PLD3: variants seen among roughly 807,000 people sequenced by gnomAD.
PLD3 encodes the protein 5'-3' exonuclease PLD3.
A neutral mutation model predicts 58.4 loss-of-function variants in PLD3; 31 were observed. The ratio of observed to expected loss-of-function variants is 0.53; its 90% confidence interval spans 0.40 to 0.72. The LOEUF (loss-of-function observed/expected upper bound fraction) is 0.72. Among genes scored for constraint, PLD3 ranks in the 30% least tolerant of loss-of-function variants. The pLI is 0.00. For missense variants in PLD3, 595 were observed against 659.8 expected, an observed-to-expected ratio of 0.90 and a Z score of 1.08; for synonymous variants, 264 against 273.4, an observed-to-expected ratio of 0.97 and a Z score of 0.34.
At chr19:40,351,253 C>CA (rs1259264597) in intron 1 of PLD3, among the ~76,000 whole-genome samples, 5 of 147,494 alleles carry the variant, frequency 3.4e-5, no homozygotes, top group Admixed American at 2.0e-4. Flanking sequence ...CAAAACAAAA[C>CA]AAAAAAACGG....
At chr19:40,369,199 AAC>A (rs1357626362) in intron 6 of PLD3, among the ~76,000 whole-genome samples, 1 of 152,094 alleles carries the variant, frequency 6.6e-6, no homozygotes, top group Non-Finnish European at 1.5e-5. Flanking sequence ...AGTGGTTTAA[AAC>A]ACAGATGTAG....
chr19:40,351,627 C>A (rs1446717952), intron 1 of PLD3, among the ~76,000 whole-genome samples: 1 of 152,184 alleles, frequency 6.6e-6, no homozygotes, highest in Non-Finnish European at 1.5e-5. Context: ...AAGCAAAAGT[C>A]TTGCGGTAGG....
At chr19:40,354,549 G>C (rs2078604196) in intron 1 of PLD3, among the ~76,000 whole-genome samples, 1 of 150,894 alleles carries the variant, frequency 6.6e-6, no homozygotes, top group Non-Finnish European at 1.5e-5. Context: ...TTTTCATTGA[G>C]ACACTGTCTT....
At chr19:40,349,003 T>C (rs1600239098) in intron 1 of PLD3, among the ~76,000 whole-genome samples, 1 of 152,178 alleles carries the variant, frequency 6.6e-6, no homozygotes. Context: ...TCTGTCGCCA[T>C]CACCCTCTTT....
rs894573449 is a variant in PLD3, at chr19:40,370,234, C to T, written c.675C>T (p.Thr225=). The change falls in exon 8 of 13, where the codon ACC becomes ACT. Residue 225 remains threonine (T), a synonymous_variant. Coordinates refer to ENST00000409735, the MANE Select transcript of PLD3 (RefSeq NM_012268.4). The stretch of plus-strand genomic sequence containing the variant: ...CCAACATGGACTGGCGTTCACTGAC[C>T]CAGGTCTGTCTGCACCCTGTCTACC... ...GSANMDWRSL[T]QVKELGVVMY... The T allele has an allele frequency of 1.2e-6, 2 of 1,612,406 alleles. No individual in the cohort carries two copies. Among genetic ancestry groups the T allele is most frequent in the African/African-American group, 2.7e-5 (2 of 75,028 alleles).
In PLD3 at chr19:40,377,736, C is replaced by T. The variant is rs192193770; in HGVS notation, c.1186-50C>T. The T allele has an allele frequency of 1.7e-3, 2,376 of 1,392,836 alleles. 37 individuals are homozygous for T. The African/African-American group carries it at 0.03, about 17-fold the overall frequency. The allele number at this position is 1,392,836 out of a possible 1,614,324, so 86.3% of individuals were successfully genotyped here. A position where few individuals can be genotyped will look rare whatever the true frequency, so the allele number is the denominator to read the frequency against. On this transcript the variant is annotated intron_variant, in intron 11 of 12. Transcript: ENST00000409735. ...TCTGCTCCCTGATCCCGGGGCTCCT[C>T]CGACTCCCCCTGCCTCTCACACTCC... is the stretch of plus-strand genomic sequence containing the variant.
At chr19:40,366,988 G>C (rs1292338757) in intron 5 of PLD3, 73 bp downstream of exon 5, 4 of 1,485,794 alleles carry the variant, frequency 2.7e-6, no homozygotes, top group Non-Finnish European at 3.6e-6. Flanking sequence ...ACACTAAACA[G>C]GGCCTGCACT....
chr19:40,378,106 A>G lies in PLD3; in HGVS notation c.1406A>G (p.Asp469Gly), dbSNP rs376407550. Reference sequence around the variant, plus strand: ...GAGGCCATTTTCCTGAGGGACTGGGACTCCCCTTACAGCCATGACCTTGAC... The same window carrying G: ...GAGGCCATTTTCCTGAGGGACTGGGGCTCCCCTTACAGCCATGACCTTGAC... Reference protein sequence around the residue: ...QLEAIFLRDWDSPYSHDLDTS... With the variant: ...QLEAIFLRDWGSPYSHDLDTS... The change falls in exon 13 of 13, where the codon GAC becomes GGC. Residue 469 changes from aspartate to glycine, a missense_variant. Coordinates refer to ENST00000409735, the MANE Select transcript of PLD3 (RefSeq NM_012268.4). 4 of 1,613,244 alleles carry G rather than the reference A, an allele frequency of 2.5e-6. No individual in the cohort carries two copies. The African/African-American group carries it at 4.0e-5, about 16-fold the overall frequency.
chr19:40,353,385 C>T (rs966884361), intron 1 of PLD3, among the ~76,000 whole-genome samples: 1 of 151,964 alleles, frequency 6.6e-6, no homozygotes, highest in African/African-American at 2.4e-5. Flanking sequence ...AGCCGAGATC[C>T]TGCCACTGCA....
intron 1 of PLD3, chr19:40,357,278 CAG>C (rs1437364209): frequency 2.0e-5 from 3 of 152,182 alleles, no homozygotes; most frequent in East Asian, 3.8e-4. Context: ...AAATTAGAGA[CAG>C]GGGTCTCGCT....
intron 1 of PLD3, chr19:40,359,690 T>G (rs2078734537): frequency 6.6e-6 from 1 of 152,260 alleles, no homozygotes; most frequent in East Asian, 1.9e-4. Flanking sequence ...TTTAAAAAAA[T>G]TCAATGTAAG....
In PLD3 at chr19:40,371,797, T is replaced by C. The variant is rs1248780018; in HGVS notation, c.803T>C (p.Phe268Ser). 2 of 1,614,104 alleles carry C rather than the reference T, an allele frequency of 1.2e-6. No individual in the cohort carries two copies. Among genetic ancestry groups the C allele is most frequent in the Admixed American group, 3.3e-5 (2 of 60,002 alleles). ...TCCATCCCATCAACTTGGCCCCGGT[T>C]CTATGACACCCGCTACAACCAAGAG... ...GSSIPSTWPR[F>S]YDTRYNQETP... Residue 268 changes from phenylalanine (F) to serine (S), a missense_variant, in exon 9 of 13, where the codon TTC (phenylalanine) becomes TCC (serine). Transcript: ENST00000409735.
At chr19:40,376,586 A>T in intron 10 of PLD3, 23 bp from the exon 11 acceptor site, 1 of 1,601,326 alleles carries the variant, frequency 6.2e-7, no homozygotes, top group East Asian at 2.2e-5. Context: ...ATCCTGCCCC[A>T]CCTCCTATAC....
chr19:40,377,405 C>T (rs2079256309), intron 11 of PLD3, among the ~76,000 whole-genome samples: 1 of 67,220 alleles, frequency 1.5e-5, no homozygotes, highest in Non-Finnish European at 2.8e-5. Flanking sequence ...GGAGGAGGCC[C>T]AGGCAGAGGG....
chr19:40,378,477 G>A lies in PLD3; in HGVS notation c.*304G>A. The A allele has an allele frequency of 2.1e-6, 1 of 475,174 alleles. No individual in the cohort carries two copies. The highest frequency in any genetic ancestry group is 3.9e-6 in the Non-Finnish European group (1 of 258,756). 29.4% of individuals were successfully genotyped at this position (475,174 alleles called of 1,614,324 possible). A position where few individuals can be genotyped will look rare whatever the true frequency, so the allele number is the denominator to read the frequency against. ...CAGGGTTATAATAAGTAAATAACTT[G>A]TCTGTACAGCCTGTGCCTGACTGAG... On this transcript the variant is annotated 3_prime_UTR_variant, in exon 13 of 13. Coordinates refer to ENST00000409735, the MANE Select transcript of PLD3 (RefSeq NM_012268.4).
At chr19:40,368,435 C>T (rs1186223293) in intron 6 of PLD3, among the ~76,000 whole-genome samples, 1 of 152,138 alleles carries the variant, frequency 6.6e-6, no homozygotes, top group Non-Finnish European at 1.5e-5. Flanking sequence ...TGCAGACAAA[C>T]TTAAAGAACA....
chr19:40,355,390 G>A (rs939444276), intron 1 of PLD3, among the ~76,000 whole-genome samples: 4 of 150,916 alleles, frequency 2.7e-5, no homozygotes, highest in South Asian at 4.2e-4. Context: ...TCAGCTCACC[G>A]CAACCTCTGC....
At chr19:40,373,747 G>A (rs1474036772) in intron 9 of PLD3, among the ~76,000 whole-genome samples, 1 of 152,076 alleles carries the variant, frequency 6.6e-6, no homozygotes, top group Non-Finnish European at 1.5e-5. Context: ...AGCACTTTGG[G>A]AGGCCTAGGC....
chr19:40,355,193 C>G (rs921126208), intron 1 of PLD3, among the ~76,000 whole-genome samples: 16 of 152,010 alleles, frequency 1.1e-4, no homozygotes, highest in African/African-American at 3.6e-4. Flanking sequence ...ATGCCACTGT[C>G]TCCCTCCCCT....
Sources: gnomAD v4.1 joint callset for allele counts (sites outside exome capture counted in the v4.1 genomes callset) on GRCh38, gnomAD v4.1.1 for gene constraint, MANE v1.5 for transcripts, NCBI Gene and HGNC (gene_info 2026-07-23, HGNC 2026-07-21) for gene names.